The following FAM210A variants were observed in gnomAD, a reference collection of about 807,000 sequenced individuals.
The protein encoded by FAM210A is mitochondrial inner membrane scaffold 1, also known as family with sequence similarity 210 member A.
Under a neutral mutation model 25.3 loss-of-function variants are expected in FAM210A, and 13 were observed. That is an observed-to-expected ratio of 0.51 (90% CI 0.33 to 0.82). The LOEUF is 0.82. Among genes scored for constraint, FAM210A ranks in the 40% least tolerant of loss-of-function variants. The pLI is 0.02. For synonymous variants in FAM210A, 125 were observed against 118.7 expected (o/e 1.05, Z -0.35); for missense variants, 319 against 323.2 (o/e 0.99, Z 0.10).
At position 13,666,367 on chromosome 18, in the gene FAM210A, G is replaced by C. The variant is rs774588845; in HGVS notation, c.*113C>G. On this transcript the variant is annotated 3_prime_UTR_variant, in exon 4 of 4. Transcript: ENST00000651643. The stretch of plus-strand genomic sequence containing the variant: ...GTATTTTACTTCTTTAACCCTCAGA[G>C]AACTAGTATATTTCGGCAACTAACC... 59 of 736,112 alleles carry C rather than the reference G, an allele frequency of 8.0e-5. No homozygotes were observed. Among genetic ancestry groups the C allele is most frequent in the Non-Finnish European group, 1.3e-4 (58 of 444,526 alleles). 45.6% of individuals were successfully genotyped at this position (736,112 alleles called of 1,614,324 possible). A position where few individuals can be genotyped will look rare whatever the true frequency, so the allele number is the denominator to read the frequency against.
chr18:13,700,518 AG>A (rs965862450), intron 1 of FAM210A, among the ~76,000 whole-genome samples: 2 of 152,182 alleles, frequency 1.3e-5, no homozygotes, highest in African/African-American at 4.8e-5. Context: ...ACCCCCACCA[AG>A]GAACTAACTC....
chr18:13,677,228 C>T (rs970767452), intron 2 of FAM210A, among the ~76,000 whole-genome samples: 1 of 152,156 alleles, frequency 6.6e-6, no homozygotes, highest in African/African-American at 2.4e-5. Flanking sequence ...GTGCCCGCCA[C>T]CACGCCCGGC....
intron 1 of FAM210A, among the ~76,000 whole-genome samples, chr18:13,695,832 G>A (rs1370113933): frequency 6.6e-6 from 1 of 152,068 alleles, no homozygotes; most frequent in Non-Finnish European, 1.5e-5. Context: ...GGCACGTTGT[G>A]CACATGTACC....
intron 1 of FAM210A, among the ~76,000 whole-genome samples, chr18:13,705,648 T>C (rs539268609): frequency 6.6e-6 from 1 of 152,224 alleles, no homozygotes; most frequent in Non-Finnish European, 1.5e-5. Flanking sequence ...ATTTTTGTCT[T>C]TTTAGTAGAG....
rs76357838 is a variant in FAM210A at position 13,679,560 on chromosome 18, C to A, written c.473+2045G>T. Among the ~76,000 whole-genome samples, 38 of 152,254 alleles carry A rather than the reference C, an allele frequency of 2.5e-4. No individual in the cohort carries two copies. The East Asian group carries it at 6.9e-3, about 28-fold the overall frequency. ...AATAAAAACCCCAAGGAGGACTGTTCTGGAAAGCAACCCATCCTGCCCATT... is the reference window on the plus strand; with the variant it reads ...AATAAAAACCCCAAGGAGGACTGTTATGGAAAGCAACCCATCCTGCCCATT... On this transcript the variant is annotated intron_variant, in intron 2 of 3. Coordinates refer to ENST00000651643, the MANE Select transcript of FAM210A (RefSeq NM_152352.4).
chr18:13,721,122 G>C (rs575238941), intron 1 of FAM210A, among the ~76,000 whole-genome samples: 31 of 152,258 alleles, frequency 2.0e-4, no homozygotes, highest in African/African-American at 6.0e-4. Flanking sequence ...ATTTTTAGAA[G>C]ACACAATTCA....
At position 13,671,960 on chromosome 18, in the gene FAM210A, C is replaced by T. The variant is rs762433160; in HGVS notation, c.487G>A (p.Val163Ile). The T allele has an allele frequency of 5.0e-6, 8 of 1,606,624 alleles. No individual in the cohort carries two copies. The highest frequency in any genetic ancestry group is 6.8e-6 in the Non-Finnish European group (8 of 1,175,554). ...YYAALKGVNV[V>I]PFLELIGLPD... is the part of the protein sequence containing the mutation. The stretch of plus-strand genomic sequence containing the variant: ...AACCCAATGAGTTCTAGAAAAGGAA[C>T]GACATTCACTCCTCTACAAAAAAAA... The change falls in exon 3 of 4, where the codon GTT becomes ATT. Residue 163 changes from valine to isoleucine, a missense_variant. Val to Ile is a conservative substitution (Grantham distance 29). Coordinates refer to ENST00000651643, the MANE Select transcript of FAM210A (RefSeq NM_152352.4).
chr18:13,666,581 T>C lies in FAM210A; in HGVS notation c.718A>G (p.Lys240Glu). 1.2e-6 allele frequency: 2 copies of C among 1,614,230 alleles called. No homozygotes were observed. Among genetic ancestry groups the C allele is most frequent in the Non-Finnish European group, 1.7e-6 (2 of 1,180,040 alleles). Residue 240 changes from lysine to glutamate, a missense_variant, in exon 4 of 4, where the codon AAG (lysine) becomes GAG (glutamate). Transcript: ENST00000651643. ...EYLQDRMEET[K>E]ELITEKMEET... ...TCCATTTTCTCTGTGATAAGCTCCT[T>C]TGTCTCTTCCATCCTGTCCTGCAGA...
chr18:13,703,546 G>T (rs1284203), intron 1 of FAM210A, among the ~76,000 whole-genome samples: 1 of 152,148 alleles, frequency 6.6e-6, no homozygotes, highest in Admixed American at 6.5e-5. Flanking sequence ...GTGCCTGCTT[G>T]TTAGGCACTA....
At position 13,681,852 on chromosome 18, in the gene FAM210A, G is replaced by A. The variant is rs753137291; in HGVS notation, c.226C>T (p.Pro76Ser). ...KERRPLDAHP[P>S]QPGVLRHKQG... is the part of the protein sequence containing the mutation. ...TTATGGCGAAGGACTCCTGGTTGGG[G>A]TGGATGAGCATCCAATGGCCTCCTT... is the stretch of plus-strand genomic sequence containing the variant. The change falls in exon 2 of 4, where the codon CCC becomes TCC. Residue 76 changes from proline (P) to serine (S), a missense_variant. Coordinates refer to ENST00000651643, the MANE Select transcript of FAM210A (RefSeq NM_152352.4). 1.2e-6 allele frequency: 2 copies of A among 1,614,228 alleles called. No homozygotes were observed. The highest frequency in any genetic ancestry group is 1.7e-6 in the Non-Finnish European group (2 of 1,180,044).
intron 1 of FAM210A, among the ~76,000 whole-genome samples, chr18:13,703,844 T>C (rs1216427807): frequency 3.3e-5 from 5 of 152,212 alleles, no homozygotes; most frequent in African/African-American, 9.6e-5. Context: ...AAAAACAGCT[T>C]GGAAGGTTAT....
At chr18:13,669,521 CA>C (rs2043426208) in intron 3 of FAM210A, among the ~76,000 whole-genome samples, 1 of 152,120 alleles carries the variant, frequency 6.6e-6, no homozygotes, top group South Asian at 2.1e-4. Context: ...CTTGGAGGAG[CA>C]ACTCTCTCAC....
At chr18:13,723,206 T>C (rs1022467752) in intron 1 of FAM210A, among the ~76,000 whole-genome samples, 1 of 152,184 alleles carries the variant, frequency 6.6e-6, no homozygotes, top group Non-Finnish European at 1.5e-5. Flanking sequence ...GAATACTCAT[T>C]ACTGCCTTTG....
Position 13,681,834 on chromosome 18 carries a change from G to A in FAM210A, c.244C>T (p.Arg82Cys), listed in dbSNP as rs766683697. 29 of 1,614,020 alleles carry A rather than the reference G, an allele frequency of 1.8e-5. No individual in the cohort carries two copies. Among genetic ancestry groups the A allele is most frequent in the East Asian group, 8.9e-5 (4 of 44,888 alleles). The change falls in exon 2 of 4, where the codon CGC becomes TGC. Residue 82 changes from arginine to cysteine, a missense_variant. Coordinates refer to ENST00000651643, the MANE Select transcript of FAM210A (RefSeq NM_152352.4). The part of the protein sequence containing the change: ...DAHPPQPGVL[R>C]HKQGKQHVSF... ...ACATGTTGCTTCCCTTGCTTATGGC[G>A]AAGGACTCCTGGTTGGGGTGGATGA...
intron 3 of FAM210A, 51 bp from the exon 4 acceptor site, chr18:13,666,764 T>C (rs2043404821): frequency 6.6e-7 from 1 of 1,514,048 alleles, no homozygotes. Context: ...ATTACTGTCA[T>C]CTTAAGCAAA....
At chr18:13,713,753 C>CACACACACACACACACAT (rs1555791553) in intron 1 of FAM210A, among the ~76,000 whole-genome samples, 1 of 151,734 alleles carries the variant, frequency 6.6e-6, no homozygotes, top group Non-Finnish European at 1.5e-5. Flanking sequence ...CACACACACA[C>CACACACACACACACACAT]GTTTAGAGAC....
chr18:13,715,742 ATTT>A (rs2043857003), intron 1 of FAM210A, among the ~76,000 whole-genome samples: 1 of 152,232 alleles, frequency 6.6e-6, no homozygotes, highest in Non-Finnish European at 1.5e-5. Context: ...CAGCTCTGAT[ATTT>A]TTAAGTCCTA....
Position 13,718,075 on chromosome 18 carries a change from T to A in FAM210A, c.-29+8254A>T, listed in dbSNP as rs529233261. On this transcript the variant is annotated intron_variant, in intron 1 of 3. Coordinates refer to ENST00000651643, the MANE Select transcript of FAM210A (RefSeq NM_152352.4). ...ATTCTTCCACAGTTGAACCTCCAGA[T>A]GAGAATGCAGCCTGCTTGACACTTT... Among the ~76,000 whole-genome samples the A allele has an allele frequency of 6.6e-5, 10 of 152,150 alleles. No individual in the cohort carries two copies. In the South Asian group the frequency reaches 2.1e-3, roughly 32 times the overall value.
In FAM210A at chr18:13,681,908, T is replaced by G. The variant is rs770557083; in HGVS notation, c.170A>C (p.His57Pro). 7 of 1,614,182 alleles carry G rather than the reference T, an allele frequency of 4.3e-6. No individual in the cohort carries two copies. The South Asian group carries it at 7.7e-5, about 18-fold the overall frequency. The stretch of plus-strand genomic sequence containing the variant: ...TGCAACACACTGGGCAGCAGATAAA[T>G]GCAACCATTGTTTTTGAGGGCCTTG... ...LVQGPQKQWL[H>P]LSAAQCVAKE... is the part of the protein sequence containing the mutation. Residue 57 changes from histidine to proline, a missense_variant, in exon 2 of 4, where the codon CAT (histidine) becomes CCT (proline). By Grantham distance (77) the His-to-Pro change is moderately conservative. Transcript: ENST00000651643.
Sources: allele counts gnomAD v4.1 joint callset (sites outside exome capture counted in the v4.1 genomes callset), GRCh38; gene constraint gnomAD v4.1.1; transcripts MANE v1.5; gene names NCBI Gene and HGNC (gene_info 2026-07-23, HGNC 2026-07-21).